Variants in PANK2 observed in about 807,000 individuals in gnomAD.
PANK2 encodes the protein pantothenate kinase 2, mitochondrial.
In PANK2, 36 loss-of-function variants were observed where a neutral mutation model predicts 43.1. The observed-to-expected ratio is 0.84, with a 90% CI of 0.64 to 1.10. The LOEUF is 1.10. Ranked by LOEUF, PANK2 falls within the 50% of genes least tolerant of loss-of-function variation. The pLI, the probability that PANK2 is intolerant of heterozygous loss-of-function variation, is 0.00. For missense variants in PANK2, 576 were observed against 593.3 expected (o/e 0.97, Z 0.30); for synonymous variants, 281 against 238.2 (o/e 1.18, Z -1.66).
chr20:3,923,976 A>G lies in PANK2; in HGVS notation c.*682A>G, dbSNP rs993575029. The G allele has an allele frequency of 1.3e-5, 2 of 152,904 alleles. No homozygotes were observed. The highest frequency in any genetic ancestry group is 4.8e-5 in the African/African-American group (2 of 41,472). 9.5% of individuals were successfully genotyped at this position (152,904 alleles called of 1,614,324 possible). On this transcript the variant is annotated 3_prime_UTR_variant, in exon 7 of 7. Coordinates refer to ENST00000610179, the MANE Select transcript of PANK2 (RefSeq NM_001386393.1). ...TTCTGATGCAAGTGGGTACACTGGC[A>G]GAAGCAGCACAATCTGGAGGACTAA...
At chr20:3,912,271 C>T (rs2090479497) in intron 3 of PANK2, among the ~76,000 whole-genome samples, 187 bp from the exon 4 acceptor site, 1 of 152,152 alleles carries the variant, frequency 6.6e-6, no homozygotes, top group East Asian at 1.9e-4. Flanking sequence ...TGCATGTTGG[C>T]TCACATGCAT....
intron 1 of PANK2, among the ~76,000 whole-genome samples, chr20:3,903,936 G>T (rs1341990267): frequency 1.3e-5 from 2 of 151,712 alleles, no homozygotes; most frequent in Non-Finnish European, 2.9e-5. Context: ...CTAATATTTT[G>T]TATTTTTAGT....
At chr20:3,910,327 T>C (rs1042456837) in intron 2 of PANK2, among the ~76,000 whole-genome samples, 2 of 151,956 alleles carry the variant, frequency 1.3e-5, no homozygotes, top group South Asian at 4.2e-4. Context: ...GTTTTTTTTT[T>C]GGTCACACTT....
rs576069426 is a variant in PANK2 at position 3,923,691 on chromosome 20, A to T, written c.*397A>T. 1.6e-5 allele frequency: 4 copies of T among 251,048 alleles called. No homozygotes were observed. Among genetic ancestry groups the T allele is most frequent in the Non-Finnish European group, 3.1e-5 (4 of 127,238 alleles). The allele number at this position is 251,048 out of a possible 1,614,324, so 15.6% of individuals were successfully genotyped here. A position where few individuals can be genotyped will look rare whatever the true frequency, so the allele number is the denominator to read the frequency against. On this transcript the variant is annotated 3_prime_UTR_variant, in exon 7 of 7. Coordinates refer to ENST00000610179, the MANE Select transcript of PANK2 (RefSeq NM_001386393.1). ...GGCTACTATGCGTTATAATCTAATC[A>T]CAATTTGTCAATATGGTCTTGGCAA...
intron 4 of PANK2, among the ~76,000 whole-genome samples, chr20:3,914,802 G>C (rs2090532093): frequency 6.6e-6 from 1 of 151,426 alleles, no homozygotes; most frequent in Non-Finnish European, 1.5e-5. Context: ...TAGAGATGGG[G>C]TTTGGCCATG....
chr20:3,897,397 C>T (rs1490535249), intron 1 of PANK2, among the ~76,000 whole-genome samples: 2 of 152,128 alleles, frequency 1.3e-5, no homozygotes, highest in African/African-American at 4.8e-5. Context: ...AGGCAGGGGC[C>T]TTCTCTTATC....
At position 3,926,743 on chromosome 20, in the gene PANK2, C is replaced by T. The variant is rs1403402872; in HGVS notation, c.*3449C>T. 1.3e-5 allele frequency: 2 copies of T among 152,122 alleles called. No homozygotes were observed. The highest frequency in any genetic ancestry group is 3.9e-4 in the East Asian group (2 of 5,182). 9.4% of individuals were successfully genotyped at this position (152,122 alleles called of 1,614,324 possible). On this transcript the variant is annotated 3_prime_UTR_variant, in exon 7 of 7. Coordinates refer to ENST00000610179, the MANE Select transcript of PANK2 (RefSeq NM_001386393.1). ...TCACCTGAGGTCAGGAGTTCAAGAC[C>T]AGCCTGGACAACATGGTGAAACCCC...
At position 3,929,875 on chromosome 20, in the gene PANK2, A is replaced by G. The variant is rs574888129; in HGVS notation, c.*6581A>G. ...CAGTATGTTGCAATAAAATGAAAAT[A>G]TGTCTTACTCAACAGGAGTGTGATT... On this transcript the variant is annotated 3_prime_UTR_variant, in exon 7 of 7. Transcript: ENST00000610179. 1 of 152,388 alleles carries G rather than the reference A, an allele frequency of 6.6e-6. No homozygotes were observed. The highest frequency in any genetic ancestry group is 1.5e-5 in the Non-Finnish European group (1 of 68,028). 9.4% of individuals were successfully genotyped at this position (152,388 alleles called of 1,614,324 possible). A position where few individuals can be genotyped will look rare whatever the true frequency, so the allele number is the denominator to read the frequency against.
intron 1 of PANK2, among the ~76,000 whole-genome samples, chr20:3,906,492 T>G (rs1290892022): frequency 6.6e-6 from 1 of 152,162 alleles, no homozygotes; most frequent in Non-Finnish European, 1.5e-5. Context: ...ACATCATAGC[T>G]TAGCCAAACC....
intron 5 of PANK2, among the ~76,000 whole-genome samples, chr20:3,918,022 A>C (rs2146890965): frequency 6.6e-6 from 1 of 152,284 alleles, no homozygotes; most frequent in South Asian, 2.1e-4. Context: ...TTAAGCATGA[A>C]GTTATTCTTT....
chr20:3,890,517 C>T (rs2090105216), intron 1 of PANK2, among the ~76,000 whole-genome samples: 1 of 152,186 alleles, frequency 6.6e-6, no homozygotes, highest in Non-Finnish European at 1.5e-5. Flanking sequence ...GGACCGCTGC[C>T]TGGCAGCCAT....
chr20:3,913,954 A>AT lies in PANK2; in HGVS notation c.1082+1328dup, dbSNP rs779164012. Among the ~76,000 whole-genome samples, 651 of 151,038 alleles carry AT rather than the reference A, an allele frequency of 4.3e-3. 1 individual carries two copies. The highest frequency in any genetic ancestry group is 6.7e-3 in the Non-Finnish European group (457 of 67,704). On this transcript the variant is annotated intron_variant, in intron 4 of 6. Transcript: ENST00000610179. Reference sequence around the variant, plus strand: ...CAGGTGCCTGCCACCACGCCCGGCTATTTTTTTTGTATTTTTAGCAGAGAT... The same window carrying AT: ...CAGGTGCCTGCCACCACGCCCGGCTATTTTTTTTTGTATTTTTAGCAGAGAT...
chr20:3,916,251 A>C (rs1298924912), intron 4 of PANK2, among the ~76,000 whole-genome samples: 2 of 152,218 alleles, frequency 1.3e-5, no homozygotes, highest in Non-Finnish European at 2.9e-5. Flanking sequence ...TTAGAAGTAC[A>C]ATTGTTTTTC....
chr20:3,916,854 A>T (rs2090567957), intron 4 of PANK2, 73 bp from the exon 5 acceptor site: 1 of 1,596,666 alleles, frequency 6.3e-7, no homozygotes, highest in Admixed American at 1.7e-5. Flanking sequence ...TTATTTCAAT[A>T]AAGTAACATT....
At chr20:3,915,445 G>A (rs1045857397) in intron 4 of PANK2, among the ~76,000 whole-genome samples, 7 of 151,922 alleles carry the variant, frequency 4.6e-5, no homozygotes, top group Admixed American at 6.6e-5. Flanking sequence ...ACTACAGTGC[G>A]TGCCGCCACA....
intron 6 of PANK2, among the ~76,000 whole-genome samples, chr20:3,919,503 T>G (rs2090616082): frequency 6.6e-6 from 1 of 152,222 alleles, no homozygotes; most frequent in Non-Finnish European, 1.5e-5. Flanking sequence ...GTTGTAAAAA[T>G]GAATAGATGA....
intron 1 of PANK2, chr20:3,901,609 C>T (rs750218555): frequency 2.8e-5 from 27 of 981,262 alleles, no homozygotes; most frequent in African/African-American, 5.3e-5. Flanking sequence ...CTTCCTATGT[C>T]GAAATCATGT....
intron 1 of PANK2, among the ~76,000 whole-genome samples, chr20:3,897,184 T>C (rs573736019): frequency 6.6e-6 from 1 of 152,276 alleles, no homozygotes; most frequent in East Asian, 1.9e-4. Context: ...GGAAAAACTT[T>C]GTTTTTCCAC....
At chr20:3,909,375 C>T (rs928932454) in intron 2 of PANK2, among the ~76,000 whole-genome samples, 3 of 151,968 alleles carry the variant, frequency 2.0e-5, no homozygotes, top group Non-Finnish European at 4.4e-5. Flanking sequence ...TCACCTTGCC[C>T]GGCCCAGATT....
Sources: gnomAD v4.1 joint callset for allele counts (sites outside exome capture counted in the v4.1 genomes callset) on GRCh38, gnomAD v4.1.1 for gene constraint, MANE v1.5 for transcripts, NCBI Gene and HGNC (gene_info 2026-07-23, HGNC 2026-07-21) for gene names.